DIP2C: variants seen among roughly 807,000 people sequenced by gnomAD.
The protein encoded by DIP2C is disco-interacting protein 2 homolog C.
In DIP2C, 33 loss-of-function variants were observed where a neutral mutation model predicts 192.4. The observed-to-expected ratio is 0.17, with a 90% CI of 0.13 to 0.23. DIP2C has a LOEUF of 0.23. Ranked by LOEUF, DIP2C falls within the 10% of genes least tolerant of loss-of-function variation. DIP2C has a pLI of 1.00. For missense variants in DIP2C, 1,537 were observed against 2,110.1 expected, an observed-to-expected ratio of 0.73 and a Z score of 5.32; for synonymous variants, 979 against 864.1, an observed-to-expected ratio of 1.13 and a Z score of -2.33.
chr10:579,285 G>A (rs1850409367), intron 1 of DIP2C, among the ~76,000 whole-genome samples: 1 of 151,768 alleles, frequency 6.6e-6, no homozygotes, highest in Non-Finnish European at 1.5e-5. Context: ...CACACATCCA[G>A]ATTCATGTAG....
intron 32 of DIP2C, among the ~76,000 whole-genome samples, chr10:298,359 C>A (rs1221695708): frequency 6.6e-6 from 1 of 152,164 alleles, no homozygotes; most frequent in Non-Finnish European, 1.5e-5. Context: ...TAGAGATGAG[C>A]GCCCTTCCCA....
chr10:420,951 A>G (rs936226654), intron 5 of DIP2C, among the ~76,000 whole-genome samples: 2 of 152,344 alleles, frequency 1.3e-5, no homozygotes, highest in East Asian at 3.9e-4. Flanking sequence ...ACGCAGACGC[A>G]CGATCACACA....
chr10:530,954 C>T (rs955037552), intron 1 of DIP2C, among the ~76,000 whole-genome samples: 2 of 152,150 alleles, frequency 1.3e-5, no homozygotes, highest in Non-Finnish European at 2.9e-5. Flanking sequence ...CGATGCCGGC[C>T]GACCAGACAC....
rs374216075 is a variant in DIP2C, at chr10:584,317, A to G, written c.86-97787T>C. ...TGAAATGTTTTAGCTAATCAGGAAC[A>G]TCTTTACCAAGCATCTGTGTTTTTA... On this transcript the variant is annotated intron_variant, in intron 1 of 36. Transcript: ENST00000280886. Among the ~76,000 whole-genome samples the G allele has an allele frequency of 6.2e-4, 94 of 152,356 alleles. 1 individual carries two copies. Among genetic ancestry groups the G allele is most frequent in the African/African-American group, 2.2e-3 (92 of 41,580 alleles).
intron 29 of DIP2C, among the ~76,000 whole-genome samples, chr10:337,837 T>G (rs1344315296): frequency 6.3e-5 from 1 of 15,882 alleles, no homozygotes; most frequent in Non-Finnish European, 1.5e-4. Context: ...TGTGTGTGTG[T>G]TGTGGAGGCC....
intron 1 of DIP2C, among the ~76,000 whole-genome samples, chr10:541,193 G>A (rs532644245): frequency 6.6e-5 from 10 of 152,086 alleles, no homozygotes; most frequent in Non-Finnish European, 1.0e-4. Context: ...GTTCTACCAC[G>A]CAACATTCAT....
chr10:381,833 T>C (rs561356556), intron 17 of DIP2C, among the ~76,000 whole-genome samples: 8 of 152,312 alleles, frequency 5.3e-5, no homozygotes, highest in South Asian at 2.1e-4. Context: ...ACTGGGAGTA[T>C]TGCCGTGGAC....
intron 32 of DIP2C, among the ~76,000 whole-genome samples, chr10:295,591 A>C (rs1589411503): frequency 1.1e-3 from 2 of 1,746 alleles, no homozygotes; most frequent in African/African-American, 2.1e-3. Flanking sequence ...AAAAAAAAAA[A>C]AAAAAAAAAA....
At chr10:614,321 C>G (rs77067486) in intron 1 of DIP2C, among the ~76,000 whole-genome samples, 5,518 of 152,320 alleles carry the variant, frequency 0.036, 299 homozygotes, top group African/African-American at 0.12. Context: ...AGACGGGAGC[C>G]TGGCCAAGGA....
chr10:337,353 CGT>C (rs1259928422), intron 29 of DIP2C, among the ~76,000 whole-genome samples: 68 of 33,516 alleles, frequency 2.0e-3, no homozygotes, highest in African/African-American at 4.6e-3. Flanking sequence ...TGTGTGCGCG[CGT>C]GTGTGTTGTG....
intron 1 of DIP2C, among the ~76,000 whole-genome samples, chr10:501,876 G>A (rs1845257182): frequency 6.6e-6 from 1 of 152,144 alleles, no homozygotes; most frequent in African/African-American, 2.4e-5. Flanking sequence ...CAGGTGTGCT[G>A]GCTCACACCT....
At chr10:520,137 G>A (rs765254506) in intron 1 of DIP2C, among the ~76,000 whole-genome samples, 3 of 152,214 alleles carry the variant, frequency 2.0e-5, no homozygotes, top group East Asian at 1.9e-4. Flanking sequence ...TTAGAAGGTC[G>A]TGTGAAGTCT....
At position 636,664 on chromosome 10, in the gene DIP2C, G is replaced by C. The variant is rs1854861091; in HGVS notation, c.85+52830C>G. ...ATCTGGGCCACACACTGCGCCGAGT[G>C]ACTCTCCTTCCCCATCTTCGTCAGG... On this transcript the variant is annotated intron_variant, in intron 1 of 36. Transcript: ENST00000280886. The surrounding 1 kb of genome is among the most constrained non-coding windows in gnomAD (Gnocchi z 4.6). 6.6e-6 allele frequency among the ~76,000 whole-genome samples: 1 copy of C among 152,236 alleles called. No individual in the cohort carries two copies. The highest frequency in any genetic ancestry group is 1.5e-5 in the Non-Finnish European group (1 of 68,048).
At chr10:602,682 T>C (rs983340108) in intron 1 of DIP2C, among the ~76,000 whole-genome samples, 8 of 152,166 alleles carry the variant, frequency 5.3e-5, no homozygotes, top group Non-Finnish European at 8.8e-5. Context: ...GCCCAGACAG[T>C]CATGTTACAA....
At chr10:648,817 A>G (rs1253503587) in intron 1 of DIP2C, among the ~76,000 whole-genome samples, 1 of 150,104 alleles carries the variant, frequency 6.7e-6, no homozygotes, top group African/African-American at 2.5e-5. Context: ...AGGGAAACTG[A>G]GTCCACGTCC....
intron 14 of DIP2C, among the ~76,000 whole-genome samples, chr10:385,211 G>A (rs1589671417): frequency 6.6e-6 from 1 of 151,580 alleles, no homozygotes; most frequent in South Asian, 2.1e-4. Flanking sequence ...AGGCCTGGAG[G>A]AGGAGCGGTC....
Position 621,319 on chromosome 10 carries a change from A to C in DIP2C, c.85+68175T>G, listed in dbSNP as rs117191991. On this transcript the variant is annotated intron_variant, in intron 1 of 36. Coordinates refer to ENST00000280886, the MANE Select transcript of DIP2C (RefSeq NM_014974.3). The stretch of plus-strand genomic sequence containing the variant: ...TCTGTCCCTGCCAACACCCACACAC[A>C]CCCCCAAGGTGTGCACACATGCTCT... Among the ~76,000 whole-genome samples, 1,301 of 148,538 alleles carry C rather than the reference A, an allele frequency of 8.8e-3. 11 individuals are homozygous for C. Among genetic ancestry groups the C allele is most frequent in the Non-Finnish European group, 0.012 (810 of 67,250 alleles).
chr10:494,484 G>T (rs1844672476), intron 1 of DIP2C, among the ~76,000 whole-genome samples: 1 of 152,202 alleles, frequency 6.6e-6, no homozygotes, highest in African/African-American at 2.4e-5. Context: ...TTAAGCAGCT[G>T]CATAGTAGCT....
At chr10:520,218 G>T (rs963126000) in intron 1 of DIP2C, among the ~76,000 whole-genome samples, 4 of 152,100 alleles carry the variant, frequency 2.6e-5, no homozygotes, top group African/African-American at 9.7e-5. Context: ...GTTTCCACAC[G>T]GGCCTTCAAC....
Sources: gnomAD v4.1 joint callset for allele counts (sites outside exome capture counted in the v4.1 genomes callset) on GRCh38, gnomAD v4.1.1 for gene constraint, Gnocchi (gnomAD v3.1) non-coding constraint, MANE v1.5 for transcripts, NCBI Gene and HGNC (gene_info 2026-07-23, HGNC 2026-07-21) for gene names.